Variants in SLC24A3 observed in about 807,000 individuals in gnomAD.
SLC24A3 encodes sodium/potassium/calcium exchanger 3.
In SLC24A3, 28 loss-of-function variants were observed where a neutral mutation model predicts 75.8. The observed-to-expected ratio is 0.37, with a 90% CI of 0.27 to 0.51. The LOEUF (loss-of-function observed/expected upper bound fraction) is 0.51, where lower values mean the gene tolerates loss of function less well. SLC24A3 is among the 20% of genes least tolerant of loss of function. The probability of loss-of-function intolerance (pLI) is 0.94; values close to 1 mark genes in which losing one functional copy is unlikely to be tolerated. For synonymous variants in SLC24A3, 372 were observed against 334.1 expected (o/e 1.11, Z -1.24); for missense variants, 663 against 847.8 (o/e 0.78, Z 2.71).
intron 2 of SLC24A3, among the ~76,000 whole-genome samples, chr20:19,493,309 G>T (rs922607962): frequency 2.0e-5 from 3 of 152,174 alleles, no homozygotes; most frequent in African/African-American, 4.8e-5. Context: ...TTGGAAGTTG[G>T]TCTAGGATGC....
Position 19,693,395 on chromosome 20 carries a change from C to T in SLC24A3, c.1461C>T (p.Ile487=), listed in dbSNP as rs774544292. The T allele has an allele frequency of 6.8e-6, 11 of 1,613,970 alleles. No individual in the cohort carries two copies. The highest frequency in any genetic ancestry group is 9.3e-6 in the Non-Finnish European group (11 of 1,180,008). The change falls in exon 13 of 17, where the codon ATC becomes ATT. Residue 487 remains isoleucine, a synonymous_variant. Transcript: ENST00000328041. The part of the protein sequence containing the change: ...MVTFASSTLW[I]AAFSYMMVWM... The stretch of plus-strand genomic sequence containing the variant: ...CGTTTGCTTCCTCCACGCTGTGGAT[C>T]GCAGCCTTCTCCTACATGATGGTGT...
At chr20:19,378,397 A>G (rs1986124016) in intron 2 of SLC24A3, among the ~76,000 whole-genome samples, 1 of 152,224 alleles carries the variant, frequency 6.6e-6, no homozygotes, top group Non-Finnish European at 1.5e-5. Flanking sequence ...ACTCCAAGCT[A>G]CTGGCTATAA....
intron 2 of SLC24A3, among the ~76,000 whole-genome samples, chr20:19,313,493 G>A (rs1984511483): frequency 6.6e-6 from 1 of 152,194 alleles, no homozygotes; most frequent in Non-Finnish European, 1.5e-5. Flanking sequence ...TCTGGGCTCT[G>A]TACTTGAGTG....
At chr20:19,382,323 G>A (rs918173559) in intron 2 of SLC24A3, among the ~76,000 whole-genome samples, 2 of 152,096 alleles carry the variant, frequency 1.3e-5, no homozygotes, top group African/African-American at 4.8e-5. Context: ...TTAGAGACTC[G>A]ATTACTGTTG....
chr20:19,443,893 C>G (rs919292133), intron 2 of SLC24A3, among the ~76,000 whole-genome samples: 2 of 152,090 alleles, frequency 1.3e-5, no homozygotes, highest in Non-Finnish European at 2.9e-5. Context: ...TGGATAAGGC[C>G]CAGCCCATAA....
At chr20:19,225,765 A>G (rs1032506571) in intron 1 of SLC24A3, among the ~76,000 whole-genome samples, 1 of 152,202 alleles carries the variant, frequency 6.6e-6, no homozygotes, top group Admixed American at 6.5e-5. Flanking sequence ...GCACATCAGT[A>G]GTTCATTCCT....
At chr20:19,291,500 C>T (rs778986711) in intron 2 of SLC24A3, among the ~76,000 whole-genome samples, 2 of 152,240 alleles carry the variant, frequency 1.3e-5, no homozygotes, top group Non-Finnish European at 2.9e-5. Context: ...ACTATGTTCA[C>T]ATTCCACCTT....
chr20:19,462,060 T>C lies in SLC24A3; in HGVS notation c.272-53428T>C, dbSNP rs73903105. Among the ~76,000 whole-genome samples, 425 of 152,312 alleles carry C rather than the reference T, an allele frequency of 2.8e-3. 1 individual carries two copies. Among genetic ancestry groups the C allele is most frequent in the African/African-American group, 9.8e-3 (409 of 41,566 alleles). ...AGGGAGTCCGTGTACAGGTATCTTA[T>C]CCACCTCCCATCCTGTACATGGGTA... On this transcript the variant is annotated intron_variant, in intron 2 of 16. Transcript: ENST00000328041.
intron 10 of SLC24A3, among the ~76,000 whole-genome samples, chr20:19,682,366 C>T (rs1283818630): frequency 6.6e-6 from 1 of 152,204 alleles, no homozygotes; most frequent in African/African-American, 2.4e-5. Context: ...CATGGCATGT[C>T]CCAGCTGGCC....
chr20:19,440,374 G>C (rs1987277206), intron 2 of SLC24A3, among the ~76,000 whole-genome samples: 1 of 152,182 alleles, frequency 6.6e-6, no homozygotes, highest in African/African-American at 2.4e-5. Flanking sequence ...GAGAGAGAAT[G>C]GGACAAGTGT....
intron 6 of SLC24A3, among the ~76,000 whole-genome samples, chr20:19,633,514 T>C (rs2031962111): frequency 6.6e-6 from 1 of 151,318 alleles, no homozygotes; most frequent in African/African-American, 2.4e-5. Context: ...CCGGGCGTAG[T>C]GGCGGGCGCC....
At chr20:19,496,540 A>G (rs956706177) in intron 2 of SLC24A3, among the ~76,000 whole-genome samples, 3 of 152,188 alleles carry the variant, frequency 2.0e-5, no homozygotes, top group Non-Finnish European at 4.4e-5. Context: ...GATCAAGAGA[A>G]TGTTTGTGGA....
chr20:19,375,857 A>C (rs1986074872), intron 2 of SLC24A3, among the ~76,000 whole-genome samples: 1 of 152,190 alleles, frequency 6.6e-6, no homozygotes. Context: ...TTTCCTGAGA[A>C]ATTTCTCTCC....
intron 2 of SLC24A3, among the ~76,000 whole-genome samples, chr20:19,484,587 AC>A (rs1988102531): frequency 6.6e-6 from 1 of 152,252 alleles, no homozygotes; most frequent in Admixed American, 6.5e-5. Context: ...TAAACCGGTC[AC>A]AAAAAGGCAA....
intron 2 of SLC24A3, among the ~76,000 whole-genome samples, chr20:19,373,201 G>A (rs1414678657): frequency 6.6e-6 from 1 of 152,070 alleles, no homozygotes; most frequent in African/African-American, 2.4e-5. Flanking sequence ...TTTGTTGCTG[G>A]TGTTTAGTTC....
chr20:19,641,015 AC>A (rs945935864), intron 6 of SLC24A3, among the ~76,000 whole-genome samples: 3 of 152,182 alleles, frequency 2.0e-5, no homozygotes, highest in African/African-American at 4.8e-5. Flanking sequence ...TCTTGCCAGT[AC>A]TTCTATTCAG....
chr20:19,603,459 C>T (rs781233393), intron 6 of SLC24A3, among the ~76,000 whole-genome samples: 8 of 152,138 alleles, frequency 5.3e-5, no homozygotes, highest in East Asian at 1.9e-4. Context: ...TTGGTGCTCA[C>T]GTATCAAGTG....
intron 2 of SLC24A3, among the ~76,000 whole-genome samples, chr20:19,428,402 CAAAAAT>C (rs1034706694): frequency 3.9e-5 from 6 of 152,162 alleles, no homozygotes; most frequent in African/African-American, 1.4e-4. Context: ...AGGGACTTCT[CAAAAAT>C]AAATGTCTGA....
intron 2 of SLC24A3, among the ~76,000 whole-genome samples, chr20:19,370,565 A>G (rs6046029): frequency 0.1 from 15,574 of 152,276 alleles, 2,615 homozygotes; most frequent in African/African-American, 0.35. Flanking sequence ...CATTTAATGG[A>G]CACCAGCTGG....
Sources: gnomAD v4.1 joint callset for allele counts (sites outside exome capture counted in the v4.1 genomes callset) on GRCh38, gnomAD v4.1.1 for gene constraint, MANE v1.5 for transcripts, NCBI Gene and HGNC (gene_info 2026-07-23, HGNC 2026-07-21) for gene names.